The following CPA1 variants were observed in gnomAD, a reference collection of about 807,000 sequenced individuals.
CPA1 encodes the protein carboxypeptidase A1, also known as carboxypeptidase A1 (pancreatic).
In CPA1, 42 loss-of-function variants were observed where a neutral mutation model predicts 48.7. The observed-to-expected ratio is 0.86, with a 90% CI of 0.67 to 1.11. The LOEUF is 1.11. Ranked by LOEUF, CPA1 falls within the 50% of genes most tolerant of loss-of-function variation. The pLI is 0.00. For missense variants in CPA1, 477 were observed against 544.7 expected, an observed-to-expected ratio of 0.88 and a Z score of 1.24; for synonymous variants, 203 against 217.9, an observed-to-expected ratio of 0.93 and a Z score of 0.60.
Position 130,384,559 on chromosome 7 carries a change from G to A in CPA1, c.720G>A (p.Arg240=). The change falls in exon 7 of 10, where the codon CGG becomes CGA. Residue 240 remains arginine (R), a synonymous_variant. Coordinates refer to ENST00000011292, the MANE Select transcript of CPA1 (RefSeq NM_001868.4). ...HSTNRMWRKT[R]SHTAGSLCIG... ...AGAATCGCATGTGGCGCAAGACTCGGTCCCACACAGCAGGCTCCCTCTGTA... is the reference window on the plus strand; with the variant it reads ...AGAATCGCATGTGGCGCAAGACTCGATCCCACACAGCAGGCTCCCTCTGTA... 1 of 1,614,216 alleles carries A rather than the reference G, an allele frequency of 6.2e-7. No individual in the cohort carries two copies. The highest frequency in any genetic ancestry group is 8.5e-7 in the Non-Finnish European group (1 of 1,180,030).
intron 1 of CPA1, 142 bp from the exon 2 acceptor site, chr7:130,380,956 T>G (rs1257555028): frequency 1.4e-6 from 1 of 702,028 alleles, no homozygotes; most frequent in Non-Finnish European, 2.6e-6. Flanking sequence ...GTTGAGACCC[T>G]TGGTGCTGTC....
At chr7:130,383,329 G>A in intron 4 of CPA1, 62 bp from the exon 5 acceptor site, 1 of 1,384,176 alleles carries the variant, frequency 7.2e-7, no homozygotes, top group Non-Finnish European at 1.0e-6. Flanking sequence ...TCTCCTTCAG[G>A]GCAGCAAGAT....
At position 130,386,023 on chromosome 7, in the gene CPA1, C is replaced by T. The variant is rs951746030; in HGVS notation, c.1072+100C>T. The stretch of plus-strand genomic sequence containing the variant: ...CCTCATGGAAGGAAGTAGCCAAGGG[C>T]ACCCAGATCTGTCAACTGCTGGCAA... On this transcript the variant is annotated intron_variant, in intron 9 of 9. Transcript: ENST00000011292. The T allele has an allele frequency of 9.1e-5, 96 of 1,058,908 alleles. 2 individuals are homozygous for T. In the Admixed American group the frequency reaches 1.9e-3, roughly 21 times the overall value. The allele number at this position is 1,058,908 out of a possible 1,614,324, so 65.6% of individuals were successfully genotyped here. A position where few individuals can be genotyped will look rare whatever the true frequency, so the allele number is the denominator to read the frequency against.
In CPA1 at chr7:130,387,959, C is replaced by T. The variant is rs141400125; in HGVS notation, c.1208C>T (p.Thr403Met). The T allele has an allele frequency of 1.1e-5, 17 of 1,614,078 alleles. No individual in the cohort carries two copies. The African/African-American group carries it at 1.3e-4, about 13-fold the overall frequency. The change falls in exon 10 of 10, where the codon ACG becomes ATG. Residue 403 changes from threonine (T) to methionine (M), a missense_variant. Physicochemically the swap from Thr to Met is moderately conservative, Grantham distance 81 (BLOSUM62 -1). Coordinates refer to ENST00000011292, the MANE Select transcript of CPA1 (RefSeq NM_001868.4). This position sits in a 1 kb window ranked among gnomAD's most constrained non-coding sequence, Gnocchi z 4.6. ...CAGATCATCCCCACAGCCAAGGAGA[C>T]GTGGCTGGCGCTTCTGACCATCATG... ...ASQIIPTAKE[T>M]WLALLTIMEH...
chr7:130,386,418 G>A (rs1796475010), intron 9 of CPA1, among the ~76,000 whole-genome samples: 1 of 151,952 alleles, frequency 6.6e-6, no homozygotes, highest in Non-Finnish European at 1.5e-5. Flanking sequence ...TGTAGTCCCA[G>A]CTACTCGGGA....
In CPA1 at chr7:130,381,107, G is replaced by A. The variant is rs1277023753; in HGVS notation, c.75G>A (p.Val25=). 6.8e-6 allele frequency: 11 copies of A among 1,613,284 alleles called. No homozygotes were observed. The African/African-American group carries it at 1.5e-4, about 22-fold the overall frequency. ...CTCCCACTCTGCCCAGGCATCAGGT[G>A]CTCCGAATCTCTGTAGCCGATGAGG... ...FGKEDFVGHQ[V]LRISVADEAQ... The change falls in exon 2 of 10, where the codon GTG becomes GTA. Residue 25 remains valine, a synonymous_variant. Coordinates refer to ENST00000011292, the MANE Select transcript of CPA1 (RefSeq NM_001868.4).
intron 3 of CPA1, 110 bp from the exon 4 acceptor site, chr7:130,381,992 TGTGGTC>T (rs1562967125): frequency 3.7e-5 from 44 of 1,191,296 alleles, no homozygotes; most frequent in Middle Eastern, 1.9e-4. Context: ...ATGTGGCCTG[TGTGGTC>T]GTAGCTCCAT....
rs782588903 is a variant in CPA1 at position 130,385,151 on chromosome 7, G to A, written c.793G>A (p.Gly265Arg). The change falls in exon 8 of 10, where the codon GGA becomes AGA. Residue 265 changes from glycine to arginine, a missense_variant. Transcript: ENST00000011292. The stretch of plus-strand genomic sequence containing the variant: ...TGCCCTCTGTCCCCCCACAGTGTCC[G>A]GAGCCAGCAGTAACCCCTGCTCGGA... The part of the protein sequence containing the change: ...RNWDAGFGLS[G>R]ASSNPCSETY... The A allele has an allele frequency of 1.5e-5, 25 of 1,613,996 alleles. No homozygotes were observed. Among genetic ancestry groups the A allele is most frequent in the South Asian group, 4.4e-5 (4 of 91,082 alleles).
intron 6 of CPA1, 183 bp from the exon 7 acceptor site, chr7:130,384,353 C>G (rs1202003081): frequency 1.7e-6 from 1 of 599,794 alleles, no homozygotes; most frequent in East Asian, 2.8e-5. Context: ...GGGAGTGGAT[C>G]CCATCCCAAG....
At position 130,383,687 on chromosome 7, in the gene CPA1, A is replaced by C. The variant is rs782752399; in HGVS notation, c.589A>C (p.Thr197Pro). 11 of 1,612,376 alleles carry C rather than the reference A, an allele frequency of 6.8e-6. No homozygotes were observed. Among genetic ancestry groups the C allele is most frequent in the Admixed American group, 3.3e-5 (2 of 59,988 alleles). Residue 197 changes from threonine (T) to proline (P), a missense_variant, in exon 6 of 10, where the codon ACT (threonine) becomes CCT (proline). Transcript: ENST00000011292. ...CTCTGCTCCTCTAACCCCCCAGATC[A>C]CTCAAGACTACGGGCAGGATGCAGC... ...ASGVWFAKKITQDYGQDAAFT... is the reference protein window; with the variant it reads ...ASGVWFAKKIPQDYGQDAAFT...
Position 130,383,793 on chromosome 7 carries a change from C to T in CPA1, c.695C>T (p.Thr232Met), listed in dbSNP as rs114488732. The T allele has an allele frequency of 2.3e-4, 371 of 1,605,562 alleles. No individual in the cohort carries two copies. The African/African-American group carries it at 3.6e-3, about 15-fold the overall frequency. The change falls in exon 6 of 10, where the codon ACG (threonine) becomes ATG (methionine). Residue 232 changes from threonine to methionine, a missense_variant and splice_region_variant. Transcript: ENST00000011292. ...NPDGFAFTHS[T>M]NRMWRKTRSH... ...GATGGCTTTGCCTTCACGCACAGCA[C>T]GGTACCGGCCTTCTCCTGTCCTTGG...
intron 6 of CPA1, chr7:130,384,327 T>A: frequency 1.7e-6 from 1 of 588,106 alleles, no homozygotes; most frequent in Non-Finnish European, 3.0e-6. Context: ...CTGATCTTCC[T>A]CCCCGACAAC....
intron 6 of CPA1, chr7:130,383,998 A>G (rs1796440657): frequency 1.7e-6 from 1 of 593,506 alleles, no homozygotes; most frequent in Admixed American, 2.8e-5. Context: ...CTGTGCATCC[A>G]CGGTGTTTCT....
Position 130,380,515 on chromosome 7 carries a change from A to G in CPA1, c.-6A>G, listed in dbSNP as rs1554411015. The G allele has an allele frequency of 7.6e-7, 1 of 1,314,292 alleles. No individual in the cohort carries two copies. The highest frequency in any genetic ancestry group is 9.8e-7 in the Non-Finnish European group (1 of 1,023,068). 81.4% of individuals were successfully genotyped at this position (1,314,292 alleles called of 1,614,324 possible). On this transcript the variant is annotated 5_prime_UTR_variant, in exon 1 of 10. Transcript: ENST00000011292. ...CCTCAGTCTGACCTTCCCTCCCGGC[A>G]GCAGCATGCGGGGGTTGCTGGTGTT... is the stretch of plus-strand genomic sequence containing the variant.
At chr7:130,384,783 C>CT in intron 7 of CPA1, 157 bp downstream of exon 7, 1 of 657,238 alleles carries the variant, frequency 1.5e-6, no homozygotes, top group Non-Finnish European at 2.6e-6. Flanking sequence ...AGGCTGTGCT[C>CT]TGAGAGTTGG....
chr7:130,383,501 G>A lies in CPA1; in HGVS notation c.585+9G>A, dbSNP rs781790378. ...TCTGGTTTGCAAAGAAGGTAAGGCC[G>A]GGGAGGTGAGGAGGGCTCTCACCTG... On this transcript the variant is annotated intron_variant, in intron 5 of 9. Transcript: ENST00000011292. 9.3e-6 allele frequency: 15 copies of A among 1,609,816 alleles called. No individual in the cohort carries two copies. Among genetic ancestry groups the A allele is most frequent in the Middle Eastern group, 1.6e-4 (1 of 6,066 alleles).
Position 130,381,839 on chromosome 7 carries a change from C to G in CPA1, c.357C>G (p.Tyr119Ter). Residue 119 changes from tyrosine (Y) to a stop codon, truncating the protein, a stop_gained, in exon 3 of 10, where the codon TAC (tyrosine) becomes TAG (stop). Coordinates refer to ENST00000011292, the MANE Select transcript of CPA1 (RefSeq NM_001868.4). LOFTEE classifies it high-confidence loss of function. ...CGCGCTCCACCGACACTTTTAACTA[C>G]GCCACCTACCACACCCTGGAGGAGG... Reference protein sequence around the residue: ...SRARSTDTFNYATYHTLEEIY... With the variant: ...SRARSTDTFN 2 of 1,613,968 alleles carry G rather than the reference C, an allele frequency of 1.2e-6. No individual in the cohort carries two copies. Among genetic ancestry groups the G allele is most frequent in the Non-Finnish European group, 8.5e-7 (1 of 1,180,006 alleles).
chr7:130,383,852 C>A, intron 6 of CPA1, 58 bp downstream of exon 6: 1 of 1,235,778 alleles, frequency 8.1e-7, no homozygotes, highest in Non-Finnish European at 1.2e-6. Context: ...TTCTAAGCTG[C>A]ACAAGTAGTT....
rs145592551 is a variant in CPA1 at position 130,387,717 on chromosome 7, C to T, written c.1073-107C>T. 162 of 999,492 alleles carry T rather than the reference C, an allele frequency of 1.6e-4. 1 individual carries two copies. In the African/African-American group the frequency reaches 2.3e-3, roughly 14 times the overall value. The allele number at this position is 999,492 out of a possible 1,614,324, so 61.9% of individuals were successfully genotyped here. A position where few individuals can be genotyped will look rare whatever the true frequency, so the allele number is the denominator to read the frequency against. Reference sequence around the variant, plus strand: ...CTTAGTAGACACTGACTCCACTCAGCATTGCACAAGGCACAGAGCTTTGGA... The same window carrying T: ...CTTAGTAGACACTGACTCCACTCAGTATTGCACAAGGCACAGAGCTTTGGA... On this transcript the variant is annotated intron_variant, in intron 9 of 9. Transcript: ENST00000011292. The surrounding 1 kb of genome is among the most constrained non-coding windows in gnomAD (Gnocchi z 4.6).
Sources: gnomAD v4.1 joint callset for allele counts (sites outside exome capture counted in the v4.1 genomes callset) on GRCh38, gnomAD v4.1.1 for gene constraint, Gnocchi (gnomAD v3.1) non-coding constraint, MANE v1.5 for transcripts, NCBI Gene and HGNC (gene_info 2026-07-23, HGNC 2026-07-21) for gene names.